Variants in MGMT observed in about 807,000 individuals in gnomAD.
MGMT encodes the protein methylated-DNA--protein-cysteine methyltransferase.
In MGMT, 14 loss-of-function variants were observed where a neutral mutation model predicts 15.9. That is an observed-to-expected ratio of 0.88 (90% confidence interval 0.58 to 1.37). The LOEUF is 1.37. Among genes scored for constraint, MGMT ranks in the 40% most tolerant of loss-of-function variants. The probability of loss-of-function intolerance (pLI) is 0.00; values close to 1 mark genes in which losing one functional copy is unlikely to be tolerated. For missense variants in MGMT, 282 were observed against 268.1 expected, an observed-to-expected ratio of 1.05 and a Z score of -0.36; for synonymous variants, 130 against 118.2, an observed-to-expected ratio of 1.10 and a Z score of -0.65.
intron 2 of MGMT, among the ~76,000 whole-genome samples, chr10:129,690,648 G>A (rs1465480017): frequency 6.6e-6 from 1 of 152,228 alleles, no homozygotes; most frequent in South Asian, 2.1e-4. Flanking sequence ...AGCCGTGGGT[G>A]CCATGCACTT....
At chr10:129,630,603 G>A (rs1245369353) in intron 2 of MGMT, among the ~76,000 whole-genome samples, 1 of 152,308 alleles carries the variant, frequency 6.6e-6, no homozygotes, top group Non-Finnish European at 1.5e-5. Flanking sequence ...GTTAGTGTGT[G>A]TGAGACTGAA....
chr10:129,516,554 C>G (rs948646587), intron 1 of MGMT, among the ~76,000 whole-genome samples: 1 of 152,182 alleles, frequency 6.6e-6, no homozygotes, highest in Non-Finnish European at 1.5e-5. Context: ...GAAGCAGAAT[C>G]AAAACCGTGT....
intron 2 of MGMT, among the ~76,000 whole-genome samples, chr10:129,631,580 T>C (rs1847210190): frequency 6.6e-6 from 1 of 152,202 alleles, no homozygotes; most frequent in Admixed American, 6.5e-5. Flanking sequence ...CCCAACACTT[T>C]GGTAGGCCAA....
At chr10:129,619,148 TGA>T (rs1291805368) in intron 2 of MGMT, among the ~76,000 whole-genome samples, 4 of 152,194 alleles carry the variant, frequency 2.6e-5, no homozygotes, top group African/African-American at 9.6e-5. Context: ...TCTTGTAGGC[TGA>T]GAGTTTTATT....
At chr10:129,531,791 G>T (rs973375008) in intron 1 of MGMT, among the ~76,000 whole-genome samples, 2 of 146,218 alleles carry the variant, frequency 1.4e-5, no homozygotes, top group East Asian at 2.1e-4. Context: ...GGGGTGGGGG[G>T]GGGTGGGGGT....
At chr10:129,643,780 AT>A (rs1288492070) in intron 2 of MGMT, among the ~76,000 whole-genome samples, 3 of 152,188 alleles carry the variant, frequency 2.0e-5, no homozygotes, top group African/African-American at 7.2e-5. Context: ...CCCAACGTGA[AT>A]TTTGTGGCAT....
chr10:129,536,515 C>T (rs1240531166), intron 2 of MGMT, 138 bp downstream of exon 2: 1 of 1,101,200 alleles, frequency 9.1e-7, no homozygotes, highest in African/African-American at 1.6e-5. Context: ...GAGTCCGTCT[C>T]TCAAAACAGT....
chr10:129,726,710 C>G (rs1848438340), intron 3 of MGMT, among the ~76,000 whole-genome samples: 1 of 151,988 alleles, frequency 6.6e-6, no homozygotes, highest in Non-Finnish European at 1.5e-5. Flanking sequence ...CTTTGCTGCT[C>G]AAAATGAAAA....
At chr10:129,612,620 A>C (rs1846974409) in intron 2 of MGMT, among the ~76,000 whole-genome samples, 1 of 152,130 alleles carries the variant, frequency 6.6e-6, no homozygotes, top group Admixed American at 6.5e-5. Flanking sequence ...ACCCCATATA[A>C]ATAGGAACAA....
chr10:129,730,192 G>A (rs979643214), intron 3 of MGMT, among the ~76,000 whole-genome samples: 6 of 152,136 alleles, frequency 3.9e-5, no homozygotes, highest in South Asian at 2.1e-4. Context: ...AGGTCAGTGC[G>A]TTTTTAGCAA....
chr10:129,551,087 G>A (rs937459602), intron 2 of MGMT, among the ~76,000 whole-genome samples: 2 of 152,236 alleles, frequency 1.3e-5, no homozygotes, highest in African/African-American at 4.8e-5. Flanking sequence ...GTGCAGGGCA[G>A]CTGCAGCACC....
At chr10:129,484,446 A>G (rs1841002433) in intron 1 of MGMT, among the ~76,000 whole-genome samples, 1 of 152,188 alleles carries the variant, frequency 6.6e-6, no homozygotes, top group African/African-American at 2.4e-5. Flanking sequence ...ACATCTCTAT[A>G]TGCTCCATAT....
intron 2 of MGMT, among the ~76,000 whole-genome samples, chr10:129,674,993 A>T (rs1411831798): frequency 6.6e-6 from 1 of 152,204 alleles, no homozygotes; most frequent in African/African-American, 2.4e-5. Flanking sequence ...CATTTATCAG[A>T]GTCAGAGGAG....
chr10:129,757,074 T>C (rs1368618019), intron 3 of MGMT, among the ~76,000 whole-genome samples: 4 of 152,236 alleles, frequency 2.6e-5, no homozygotes, highest in Admixed American at 1.3e-4. Context: ...AGTTTTCAGA[T>C]ACATTTGTAA....
chr10:129,657,693 A>ACACACACG (rs1847542184), intron 2 of MGMT, among the ~76,000 whole-genome samples: 3 of 143,848 alleles, frequency 2.1e-5, no homozygotes, highest in African/African-American at 7.9e-5. Context: ...ACACACACAC[A>ACACACACG]CACACACACA....
intron 2 of MGMT, among the ~76,000 whole-genome samples, chr10:129,617,403 A>T (rs1164773672): frequency 1.3e-5 from 2 of 152,018 alleles, no homozygotes; most frequent in Non-Finnish European, 2.9e-5. Context: ...GCGTGCATGT[A>T]TCTTTATGGT....
intron 2 of MGMT, among the ~76,000 whole-genome samples, chr10:129,676,106 G>A (rs1004953201): frequency 6.6e-6 from 1 of 152,272 alleles, no homozygotes; most frequent in Non-Finnish European, 1.5e-5. Flanking sequence ...AGGAGTGGCC[G>A]TCCCACACCC....
At chr10:129,583,042 G>A (rs1846575173) in intron 2 of MGMT, among the ~76,000 whole-genome samples, 1 of 151,984 alleles carries the variant, frequency 6.6e-6, no homozygotes, top group Admixed American at 6.6e-5. Flanking sequence ...ACCATCTTGA[G>A]GGAAAAAAAT....
rs574249918 is a variant in MGMT at position 129,531,903 on chromosome 10, C to T, written c.-12-4338C>T. ...GTAAGCAGGTCTGAGGAATTCACTTCCTCATGCTTCACATACCTAAATAAT... is the reference window on the plus strand; with the variant it reads ...GTAAGCAGGTCTGAGGAATTCACTTTCTCATGCTTCACATACCTAAATAAT... On this transcript the variant is annotated intron_variant, in intron 1 of 4. Coordinates refer to ENST00000651593, the MANE Select transcript of MGMT (RefSeq NM_002412.5). Among the ~76,000 whole-genome samples the T allele has an allele frequency of 8.5e-5, 13 of 152,212 alleles. No individual in the cohort carries two copies. In the South Asian group the frequency reaches 2.3e-3, roughly 27 times the overall value.
Sources: gnomAD v4.1 joint callset for allele counts (sites outside exome capture counted in the v4.1 genomes callset) on GRCh38, gnomAD v4.1.1 for gene constraint, MANE v1.5 for transcripts, NCBI Gene and HGNC (gene_info 2026-07-23, HGNC 2026-07-21) for gene names.